MARCHF10: variants seen among roughly 807,000 people sequenced by gnomAD.
MARCHF10 encodes membrane associated ring-CH-type finger 10.
In MARCHF10, 64 loss-of-function variants were observed where a neutral mutation model predicts 76.2. The ratio of observed to expected loss-of-function variants is 0.84; its 90% CI spans 0.69 to 1.03. The LOEUF is 1.03. Among genes scored for constraint, MARCHF10 ranks in the 50% least tolerant of loss-of-function variants. The pLI, the probability that MARCHF10 is intolerant of heterozygous loss-of-function variation, is 0.00. For synonymous variants in MARCHF10, 340 were observed against 357.5 expected, an observed-to-expected ratio of 0.95 and a Z score of 0.55; for missense variants, 875 against 958.0, an observed-to-expected ratio of 0.91 and a Z score of 1.14.
chr17:62,807,252 T>A (rs1017800571), intron 1 of MARCHF10, among the ~76,000 whole-genome samples: 1 of 152,004 alleles, frequency 6.6e-6, no homozygotes, highest in Non-Finnish European at 1.5e-5. Context: ...AGCAACAAAG[T>A]TTACGATTTG....
In MARCHF10 at chr17:62,710,144, C is replaced by G. The variant is rs1003175187; in HGVS notation, c.2328+1087G>C. Among the ~76,000 whole-genome samples, 6 of 152,178 alleles carry G rather than the reference C, an allele frequency of 3.9e-5. No homozygotes were observed. The East Asian group carries it at 7.7e-4, about 19-fold the overall frequency. ...TTTGTCGTTTGTCATGTTTGCTTTG[C>G]AAGCCTGGTGGCTAATGTTGCTTGC... On this transcript the variant is annotated intron_variant, in intron 9 of 10. Transcript: ENST00000311269.
intron 3 of MARCHF10, among the ~76,000 whole-genome samples, chr17:62,761,006 C>T (rs967870231): frequency 3.3e-5 from 5 of 152,184 alleles, no homozygotes; most frequent in African/African-American, 4.8e-5. Context: ...TCTTGCTCAC[C>T]GTTCTCCCTG....
intron 4 of MARCHF10, among the ~76,000 whole-genome samples, chr17:62,745,621 C>T (rs16946370): frequency 0.032 from 4,830 of 152,284 alleles, 249 homozygotes; most frequent in African/African-American, 0.11. Flanking sequence ...CATCTGGGAA[C>T]CGTATGCCTT....
chr17:62,784,674 A>T (rs1225506326), intron 3 of MARCHF10, among the ~76,000 whole-genome samples: 1 of 152,224 alleles, frequency 6.6e-6, no homozygotes, highest in Non-Finnish European at 1.5e-5. Flanking sequence ...ACTTCAGCAA[A>T]GTCTCAGGAT....
chr17:62,718,315 G>T (rs1015921423), intron 8 of MARCHF10, among the ~76,000 whole-genome samples: 3 of 152,196 alleles, frequency 2.0e-5, no homozygotes, highest in African/African-American at 7.2e-5. Context: ...TGCGGCCTCA[G>T]ACTACATGAG....
At chr17:62,767,874 G>T (rs1046925333) in intron 3 of MARCHF10, among the ~76,000 whole-genome samples, 1 of 152,084 alleles carries the variant, frequency 6.6e-6, no homozygotes, top group Non-Finnish European at 1.5e-5. Context: ...GAACTGAATC[G>T]TTCAGCCCCT....
intron 8 of MARCHF10, among the ~76,000 whole-genome samples, chr17:62,716,793 C>A (rs35742499): frequency 0.033 from 5,053 of 152,192 alleles, 95 homozygotes; most frequent in Middle Eastern, 0.065. Context: ...GAAGCCCGTT[C>A]TAGGTTTCTT....
Position 62,778,862 on chromosome 17 carries a change from G to A in MARCHF10, c.210+9618C>T, listed in dbSNP as rs139197899. Among the ~76,000 whole-genome samples, 613 of 152,198 alleles carry A rather than the reference G, an allele frequency of 4.0e-3. 5 individuals carry two copies. The highest frequency in any genetic ancestry group is 0.014 in the African/African-American group (578 of 41,508). ...AGTCTAAGATAATTTCCAGGATTCT[G>A]GCTTGGGCAGAAATAAGAACTTCAG... On this transcript the variant is annotated intron_variant, in intron 3 of 10. Transcript: ENST00000311269.
At position 62,722,473 on chromosome 17, in the gene MARCHF10, G is replaced by A. The variant is rs780801022; in HGVS notation, c.2214+15C>T. 8.2e-6 allele frequency: 13 copies of A among 1,585,820 alleles called. No individual in the cohort carries two copies. The highest frequency in any genetic ancestry group is 1.3e-5 in the African/African-American group (1 of 74,418). Reference sequence around the variant, plus strand: ...ATACTTTAACCTGTGGAGGCAGAGTGGCCACATTTCTTACCTGAGATTGCT... The same window carrying A: ...ATACTTTAACCTGTGGAGGCAGAGTAGCCACATTTCTTACCTGAGATTGCT... On this transcript the variant is annotated intron_variant, in intron 8 of 10. Coordinates refer to ENST00000311269, the MANE Select transcript of MARCHF10 (RefSeq NM_152598.4).
At chr17:62,785,155 A>G (rs2092724491) in intron 3 of MARCHF10, among the ~76,000 whole-genome samples, 1 of 152,240 alleles carries the variant, frequency 6.6e-6, no homozygotes. Flanking sequence ...CCAAAACAGC[A>G]TGGTACTGGT....
At chr17:62,759,181 T>C (rs2092126803) in intron 4 of MARCHF10, among the ~76,000 whole-genome samples, 1 of 152,240 alleles carries the variant, frequency 6.6e-6, no homozygotes. Flanking sequence ...ATTTGAAAGC[T>C]TCTCTTTATG....
chr17:62,711,858 C>T lies in MARCHF10; in HGVS notation c.2215-514G>A, dbSNP rs926031988. Among the ~76,000 whole-genome samples the T allele has an allele frequency of 2.0e-5, 3 of 152,226 alleles. No individual in the cohort carries two copies. Among genetic ancestry groups the T allele is most frequent in the African/African-American group, 7.2e-5 (3 of 41,460 alleles). On this transcript the variant is annotated intron_variant, in intron 8 of 10. Transcript: ENST00000311269. This position sits in a 1 kb window ranked among gnomAD's most constrained non-coding sequence, Gnocchi z 4.4. ...GGCTTCCTGAGGAGCCTCCTTTGCC[C>T]CCATCATTCCTTTGCTTCCCAGTCC...
intron 5 of MARCHF10, among the ~76,000 whole-genome samples, 183 bp downstream of exon 5, chr17:62,744,193 G>GA (rs996845094): frequency 4.0e-5 from 6 of 151,674 alleles, no homozygotes; most frequent in African/African-American, 1.2e-4. Flanking sequence ...TCTCTTGGAG[G>GA]AAAAAAAACG....
chr17:62,795,890 G>A (rs1041065051), intron 2 of MARCHF10, among the ~76,000 whole-genome samples: 1 of 152,152 alleles, frequency 6.6e-6, no homozygotes. Flanking sequence ...CAAACTCATT[G>A]ATGATCCAGA....
chr17:62,752,026 GAA>G (rs772541806), intron 4 of MARCHF10, among the ~76,000 whole-genome samples: 17 of 132,520 alleles, frequency 1.3e-4, no homozygotes, highest in East Asian at 2.3e-4. Flanking sequence ...TCTCAAAAAA[GAA>G]AAAAAAAAAA....
At chr17:62,709,468 C>CT (rs1332968754) in intron 9 of MARCHF10, among the ~76,000 whole-genome samples, 1 of 150,506 alleles carries the variant, frequency 6.6e-6, no homozygotes, top group Non-Finnish European at 1.5e-5. Context: ...GAGCAAGACT[C>CT]TTGTCTCAAA....
At chr17:62,801,278 C>T (rs2093067694) in intron 2 of MARCHF10, among the ~76,000 whole-genome samples, 2 of 152,090 alleles carry the variant, frequency 1.3e-5, no homozygotes. Flanking sequence ...CCTGCCTCAG[C>T]CTCCCGAGTA....
intron 3 of MARCHF10, among the ~76,000 whole-genome samples, chr17:62,766,227 GC>G (rs2092328105): frequency 6.6e-6 from 1 of 151,594 alleles, no homozygotes; most frequent in Non-Finnish European, 1.5e-5. Flanking sequence ...GGGGCCGGAC[GC>G]GGTGGCTCAC....
chr17:62,782,345 CT>C (rs10676023), intron 3 of MARCHF10, among the ~76,000 whole-genome samples: 94 of 107,020 alleles, frequency 8.8e-4, no homozygotes, highest in Non-Finnish European at 9.2e-4. Context: ...AACAACTGTT[CT>C]TTTTTTTTTT....
Sources: gnomAD v4.1 joint callset for allele counts (sites outside exome capture counted in the v4.1 genomes callset) on GRCh38, gnomAD v4.1.1 for gene constraint, Gnocchi (gnomAD v3.1) non-coding constraint, MANE v1.5 for transcripts, NCBI Gene and HGNC (gene_info 2026-07-23, HGNC 2026-07-21) for gene names.